Variants in ROBO1 observed in about 807,000 individuals in gnomAD.
The protein encoded by ROBO1 is roundabout guidance receptor 1, also known as roundabout homolog 1.
Under a neutral mutation model 195.9 loss-of-function variants are expected in ROBO1, and 149 were observed. The observed-to-expected ratio is 0.76, with a 90% CI of 0.67 to 0.87. The LOEUF (loss-of-function observed/expected upper bound fraction) is 0.87. ROBO1 is among the 40% of genes least tolerant of loss of function. The probability of loss-of-function intolerance (pLI) is 0.00; values close to 1 mark genes in which losing one functional copy is unlikely to be tolerated. For missense variants in ROBO1, 1,933 were observed against 2,068.3 expected (o/e 0.93, Z 1.27); for synonymous variants, 816 against 733.2 (o/e 1.11, Z -1.82).
intron 2 of ROBO1, among the ~76,000 whole-genome samples, chr3:79,500,516 T>G (rs1046355399): frequency 2.5e-4 from 38 of 152,364 alleles, no homozygotes; most frequent in Middle Eastern, 3.4e-3. Flanking sequence ...TCATTGCTCC[T>G]GTGACGCACC....
At chr3:79,504,471 G>T (rs1940284100) in intron 2 of ROBO1, among the ~76,000 whole-genome samples, 1 of 152,086 alleles carries the variant, frequency 6.6e-6, no homozygotes, top group African/African-American at 2.4e-5. Context: ...AGCCAAATAT[G>T]AAATTATGAA....
At chr3:79,247,059 G>A (rs2082637610) in intron 2 of ROBO1, among the ~76,000 whole-genome samples, 1 of 150,628 alleles carries the variant, frequency 6.6e-6, no homozygotes, top group African/African-American at 2.4e-5. Context: ...TTCCTCTAAT[G>A]CTCTGTGGAT....
intron 18 of ROBO1, among the ~76,000 whole-genome samples, chr3:78,653,944 T>C (rs942804862): frequency 6.6e-6 from 1 of 152,242 alleles, no homozygotes; most frequent in Non-Finnish European, 1.5e-5. Flanking sequence ...CTAGAGTTTA[T>C]AGCCACTGTG....
chr3:79,533,863 C>A (rs958689079), intron 2 of ROBO1, among the ~76,000 whole-genome samples: 2 of 152,040 alleles, frequency 1.3e-5, no homozygotes, highest in Non-Finnish European at 2.9e-5. Context: ...AGAAAGATGT[C>A]CATATCCCAA....
chr3:79,395,253 CAG>C (rs999255129), intron 2 of ROBO1, among the ~76,000 whole-genome samples: 4 of 140,190 alleles, frequency 2.9e-5, no homozygotes, highest in African/African-American at 1.1e-4. Flanking sequence ...ACCCGGGAGG[CAG>C]AGCTTGCAGT....
At chr3:79,372,300 G>A (rs375993247) in intron 2 of ROBO1, among the ~76,000 whole-genome samples, 77 of 151,458 alleles carry the variant, frequency 5.1e-4, no homozygotes, top group African/African-American at 1.6e-3. Flanking sequence ...TCCGCCTCCC[G>A]GGTTCAAGCG....
chr3:78,740,857 C>G (rs1161252470), intron 5 of ROBO1, among the ~76,000 whole-genome samples: 1 of 152,070 alleles, frequency 6.6e-6, no homozygotes, highest in Non-Finnish European at 1.5e-5. Flanking sequence ...TTGCAACATT[C>G]AATAAACATA....
intron 2 of ROBO1, among the ~76,000 whole-genome samples, chr3:79,153,872 T>A (rs2080814630): frequency 6.6e-6 from 1 of 151,452 alleles, no homozygotes; most frequent in Admixed American, 6.6e-5. Flanking sequence ...TACGTGACAA[T>A]TGCTGTTTCA....
chr3:79,347,131 CA>C (rs2035154653), intron 2 of ROBO1, among the ~76,000 whole-genome samples: 1 of 152,052 alleles, frequency 6.6e-6, no homozygotes, highest in African/African-American at 2.4e-5. Context: ...CCCATTTCGA[CA>C]GTATTTATAC....
At chr3:79,675,527 G>A (rs1379711980) in intron 1 of ROBO1, among the ~76,000 whole-genome samples, 3 of 151,992 alleles carry the variant, frequency 2.0e-5, no homozygotes, top group African/African-American at 7.2e-5. Context: ...TTCCAAGGGA[G>A]AAGACAAATG....
chr3:79,707,702 G>T (rs1210829881), intron 1 of ROBO1, among the ~76,000 whole-genome samples: 4 of 152,052 alleles, frequency 2.6e-5, no homozygotes, highest in Non-Finnish European at 5.9e-5. Context: ...TAGAGATGGG[G>T]TTCCACCATG....
intron 4 of ROBO1, among the ~76,000 whole-genome samples, chr3:78,803,777 A>G (rs1018559753): frequency 2.6e-5 from 4 of 152,178 alleles, no homozygotes; most frequent in Non-Finnish European, 5.9e-5. Flanking sequence ...AGAACAAAGT[A>G]TAGCTTCTTT....
At chr3:79,506,376 T>G (rs1322650702) in intron 2 of ROBO1, among the ~76,000 whole-genome samples, 2 of 152,148 alleles carry the variant, frequency 1.3e-5, no homozygotes, top group African/African-American at 4.8e-5. Context: ...TATCTGTTTA[T>G]TGAAGTAGGA....
chr3:79,541,731 T>C (rs1205212729), intron 2 of ROBO1, among the ~76,000 whole-genome samples: 1 of 151,354 alleles, frequency 6.6e-6, no homozygotes, highest in Non-Finnish European at 1.5e-5. Context: ...ATATAGGCCA[T>C]CAACTTAAAT....
intron 26 of ROBO1, among the ~76,000 whole-genome samples, chr3:78,625,587 CA>C (rs1185736115): frequency 6.6e-6 from 1 of 152,080 alleles, no homozygotes; most frequent in African/African-American, 2.4e-5. Context: ...TTGAACAAAG[CA>C]ACGGGATGAT....
At position 78,947,066 on chromosome 3, in the gene ROBO1, T is replaced by A. The variant is rs532148483; in HGVS notation, c.173-8139A>T. Among the ~76,000 whole-genome samples the A allele has an allele frequency of 2.9e-4, 44 of 152,106 alleles. 1 individual carries two copies. The South Asian group carries it at 8.9e-3, about 31-fold the overall frequency. On this transcript the variant is annotated intron_variant, in intron 3 of 30. Coordinates refer to ENST00000464233, the MANE Select transcript of ROBO1 (RefSeq NM_002941.4). The stretch of plus-strand genomic sequence containing the variant: ...CAAAGAGACTTAGACTCCCACACAA[T>A]AATAATGGGAGATTTTAACACCCCA...
Position 79,375,474 on chromosome 3 carries a change from GA to G in ROBO1, c.88+214349del, listed in dbSNP as rs1334736589. Among the ~76,000 whole-genome samples, 8 of 152,312 alleles carry G rather than the reference GA, an allele frequency of 5.3e-5. No homozygotes were observed. The South Asian group carries it at 1.5e-3, about 28-fold the overall frequency. ...GAGCAATAGCAAAAGGCCCAGTAAG[GA>G]AAATATCTGTGTGTTAATTCTAATG... On this transcript the variant is annotated intron_variant, in intron 2 of 30. Transcript: ENST00000464233.
intron 4 of ROBO1, among the ~76,000 whole-genome samples, chr3:78,772,066 T>A (rs574891467): frequency 6.6e-6 from 1 of 152,218 alleles, no homozygotes; most frequent in East Asian, 1.9e-4. Flanking sequence ...AAAAACCATA[T>A]ACAAACAGAT....
intron 4 of ROBO1, among the ~76,000 whole-genome samples, chr3:78,806,529 G>A (rs2084545864): frequency 6.6e-6 from 1 of 152,276 alleles, no homozygotes; most frequent in Non-Finnish European, 1.5e-5. Flanking sequence ...GTGGACGTGG[G>A]CAGCAGGTTT....
Sources: allele counts gnomAD v4.1 joint callset (sites outside exome capture counted in the v4.1 genomes callset), GRCh38; gene constraint gnomAD v4.1.1; transcripts MANE v1.5; gene names NCBI Gene and HGNC (gene_info 2026-07-23, HGNC 2026-07-21).